The following SUMO3 variants were observed in gnomAD, a reference collection of about 807,000 sequenced individuals.
SUMO3 encodes small ubiquitin-related modifier 3.
A neutral mutation model predicts 11.1 loss-of-function variants in SUMO3; 2 were observed. That is an observed-to-expected ratio of 0.18 (90% CI 0.07 to 0.57). The LOEUF is 0.57. SUMO3 is among the 20% of genes least tolerant of loss of function. The pLI is 0.92. For synonymous variants in SUMO3, 56 were observed against 53.5 expected (o/e 1.05, Z -0.20); for missense variants, 70 against 132.8 (o/e 0.53, Z 2.32).
In SUMO3 at chr21:44,813,871, C is replaced by G. The variant is rs766770441; in HGVS notation, c.150+105G>C. ...TCCACGAAGAGGGCACCTCGGGCAG[C>G]TGCATCTGGGTCCAGCCCCGAGACG... is the stretch of plus-strand genomic sequence containing the variant. On this transcript the variant is annotated intron_variant, in intron 2 of 3. Transcript: ENST00000332859. The G allele has an allele frequency of 2.5e-6, 4 of 1,588,138 alleles. No homozygotes were observed. In the South Asian group the frequency reaches 3.3e-5, roughly 13 times the overall value.
Position 44,806,839 on chromosome 21 carries a change from A to G in SUMO3, c.*112T>C. 6.6e-7 allele frequency: 1 copy of G among 1,505,476 alleles called. No homozygotes were observed. The highest frequency in any genetic ancestry group is 1.3e-5 in the South Asian group (1 of 77,670). The allele number at this position is 1,505,476 out of a possible 1,614,324, so 93.3% of individuals were successfully genotyped here. On this transcript the variant is annotated 3_prime_UTR_variant, in exon 4 of 4. Transcript: ENST00000332859. ...GAAGTACATCAAAGAGAGGAAAATC[A>G]TCGTGGTGAATGTCCTCGAGTTTCC...
chr21:44,813,906 T>C (rs748729056), intron 2 of SUMO3, 70 bp downstream of exon 2: 22 of 1,599,882 alleles, frequency 1.4e-5, no homozygotes, highest in Non-Finnish European at 1.9e-5. Context: ...GCTCGTGCTC[T>C]GGGGATGCCT....
intron 2 of SUMO3, among the ~76,000 whole-genome samples, chr21:44,812,824 C>T (rs1221606115): frequency 6.6e-6 from 1 of 152,206 alleles, no homozygotes; most frequent in Non-Finnish European, 1.5e-5. Flanking sequence ...AACATGGGCA[C>T]CCGGGAAGTC....
At chr21:44,812,818 T>C (rs755714051) in intron 2 of SUMO3, among the ~76,000 whole-genome samples, 6 of 152,138 alleles carry the variant, frequency 3.9e-5, no homozygotes, top group Non-Finnish European at 7.3e-5. Flanking sequence ...GAGGAGAACA[T>C]GGGCACCCGG....
chr21:44,811,075 A>C lies in SUMO3; in HGVS notation c.151-1957T>G, dbSNP rs2083209433. 1.7e-5 allele frequency among the ~76,000 whole-genome samples: 2 copies of C among 116,354 alleles called. No individual in the cohort carries two copies. The highest frequency in any genetic ancestry group is 3.4e-5 in the African/African-American group (1 of 29,194). The allele number at this position is 116,354 out of a possible 152,430, so 76.3% of individuals were successfully genotyped here. On this transcript the variant is annotated intron_variant, in intron 2 of 3. Coordinates refer to ENST00000332859, the MANE Select transcript of SUMO3 (RefSeq NM_006936.3). This position sits in a 1 kb window ranked among gnomAD's most constrained non-coding sequence, Gnocchi z 5.0. The stretch of plus-strand genomic sequence containing the variant: ...ACACACCCACACATACACACACACG[A>C]ATGCACACATGCACACACCCACATA...
intron 2 of SUMO3, among the ~76,000 whole-genome samples, chr21:44,813,000 G>A (rs114697535): frequency 6.6e-6 from 1 of 152,360 alleles, no homozygotes; most frequent in African/African-American, 2.4e-5. Context: ...TTTCGCAGGT[G>A]AAAATAAGAT....
chr21:44,808,904 AAAATAAATAATCTAAT>A lies in SUMO3; in HGVS notation c.222+127_222+142del. Reference sequence around the variant, plus strand: ...TTGAAAATTTAAATTTAAAATGTGAAAAATAAATAATCTAATAATCAATATCATTAAGGCATTCTGT... The same window carrying A: ...TTGAAAATTTAAATTTAAAATGTGAAAATCAATATCATTAAGGCATTCTGT... On this transcript the variant is annotated intron_variant, in intron 3 of 3. Coordinates refer to ENST00000332859, the MANE Select transcript of SUMO3 (RefSeq NM_006936.3). 3 of 744,994 alleles carry A rather than the reference AAAATAAATAATCTAAT, an allele frequency of 4.0e-6. No homozygotes were observed. In the East Asian group the frequency reaches 8.2e-5, roughly 20 times the overall value. 46.1% of individuals were successfully genotyped at this position (744,994 alleles called of 1,614,324 possible). A position where few individuals can be genotyped will look rare whatever the true frequency, so the allele number is the denominator to read the frequency against.
At chr21:44,813,944 G>A in intron 2 of SUMO3, 32 bp downstream of exon 2, 2 of 1,605,864 alleles carry the variant, frequency 1.2e-6, no homozygotes, top group Non-Finnish European at 1.7e-6. Context: ...TGCGCACACG[G>A]GGAGGCTCTG....
At chr21:44,816,715 G>A (rs1031517833) in intron 1 of SUMO3, among the ~76,000 whole-genome samples, 1 of 152,098 alleles carries the variant, frequency 6.6e-6, no homozygotes, top group African/African-American at 2.4e-5. Flanking sequence ...CCTGAATGCA[G>A]GGTGCATACC....
chr21:44,806,961 T>C lies in SUMO3; in HGVS notation c.302A>G (p.His101Arg), dbSNP rs1461661809. 1 of 1,614,090 alleles carries C rather than the reference T, an allele frequency of 6.2e-7. No homozygotes were observed. The highest frequency in any genetic ancestry group is 1.1e-5 in the South Asian group (1 of 91,086). ...GGVPESSLAGHSF is the reference protein window; with the variant it reads ...GGVPESSLAGRSF ...CTGGGGACGGGCCCTCTAGAAACTGTGCCCTGCCAGGCTGCTCTCCGGCAC... is the reference window on the plus strand; with the variant it reads ...CTGGGGACGGGCCCTCTAGAAACTGCGCCCTGCCAGGCTGCTCTCCGGCAC... Residue 101 changes from histidine (H) to arginine (R), a missense_variant, in exon 4 of 4, where the codon CAC becomes CGC. His to Arg is a conservative substitution (Grantham distance 29). Transcript: ENST00000332859.
rs2083202566 is a variant in SUMO3 at position 44,810,294 on chromosome 21, G to A, written c.151-1176C>T. Among the ~76,000 whole-genome samples the A allele has an allele frequency of 6.6e-6, 1 of 152,202 alleles. No individual in the cohort carries two copies. The highest frequency in any genetic ancestry group is 1.5e-5 in the Non-Finnish European group (1 of 68,038). Reference sequence around the variant, plus strand: ...GGGATGGGCAGATATGTCAATGCTGGGCTGAGCCAGAGGCTACTGAGGCGT... The same window carrying A: ...GGGATGGGCAGATATGTCAATGCTGAGCTGAGCCAGAGGCTACTGAGGCGT... On this transcript the variant is annotated intron_variant, in intron 2 of 3. Transcript: ENST00000332859. This position sits in a 1 kb window ranked among gnomAD's most constrained non-coding sequence, Gnocchi z 4.1.
rs931280804 is a variant in SUMO3, at chr21:44,813,475, G to A, written c.150+501C>T. The A allele has an allele frequency of 1.2e-5, 3 of 241,338 alleles. No homozygotes were observed. In the South Asian group the frequency reaches 2.4e-4, roughly 19 times the overall value. The allele number at this position is 241,338 out of a possible 1,614,324, so 14.9% of individuals were successfully genotyped here. On this transcript the variant is annotated intron_variant, in intron 2 of 3. Transcript: ENST00000332859. ...GGCAGCTCATTATCCTGAAACTGGG[G>A]AAGAAGGGGAAAGAATCACGCGCTT... is the stretch of plus-strand genomic sequence containing the variant.
chr21:44,806,066 C>T lies in SUMO3; in HGVS notation c.*885G>A, dbSNP rs1432447336. ...CACGACAACATAACTGCAAATTCAGCAATACTTAGTCTTACTTTTTTATGT... is the reference window on the plus strand; with the variant it reads ...CACGACAACATAACTGCAAATTCAGTAATACTTAGTCTTACTTTTTTATGT... On this transcript the variant is annotated 3_prime_UTR_variant, in exon 4 of 4. Coordinates refer to ENST00000332859, the MANE Select transcript of SUMO3 (RefSeq NM_006936.3). The T allele has an allele frequency of 1.3e-5, 2 of 152,146 alleles. No homozygotes were observed. Among genetic ancestry groups the T allele is most frequent in the Admixed American group, 1.3e-4 (2 of 15,268 alleles). 9.4% of individuals were successfully genotyped at this position (152,146 alleles called of 1,614,324 possible).
chr21:44,814,384 G>A (rs1286730912), intron 1 of SUMO3, among the ~76,000 whole-genome samples: 1 of 152,172 alleles, frequency 6.6e-6, no homozygotes, highest in African/African-American at 2.4e-5. Flanking sequence ...GGAAAAATAA[G>A]AGAAAATCCA....
At position 44,806,644 on chromosome 21, in the gene SUMO3, A is replaced by C; in HGVS notation, c.*307T>G. ...CAGACTAAAAGCGAACATTCAGGCT[A>C]TAATTTTGGGGTTAAAAAAATGTTG... On this transcript the variant is annotated 3_prime_UTR_variant, in exon 4 of 4. Coordinates refer to ENST00000332859, the MANE Select transcript of SUMO3 (RefSeq NM_006936.3). The C allele has an allele frequency of 2.1e-6, 1 of 469,826 alleles. No homozygotes were observed. Among genetic ancestry groups the C allele is most frequent in the Non-Finnish European group, 3.5e-6 (1 of 287,406 alleles). 29.1% of individuals were successfully genotyped at this position (469,826 alleles called of 1,614,324 possible). A position where few individuals can be genotyped will look rare whatever the true frequency, so the allele number is the denominator to read the frequency against.
At chr21:44,815,818 G>C (rs866823188) in intron 1 of SUMO3, among the ~76,000 whole-genome samples, 2 of 122,534 alleles carry the variant, frequency 1.6e-5, no homozygotes, top group Non-Finnish European at 1.7e-5. Context: ...ATCTGTCCCA[G>C]ACCCCTGGTG....
chr21:44,806,925 G>C lies in SUMO3; in HGVS notation c.*26C>G. 2 of 1,613,922 alleles carry C rather than the reference G, an allele frequency of 1.2e-6. No homozygotes were observed. Among genetic ancestry groups the C allele is most frequent in the Non-Finnish European group, 1.7e-6 (2 of 1,179,948 alleles). ...ACCATTCAACAGCAATGCGAGGATG[G>C]ACGGCCCGGGCTGGGGACGGGCCCT... On this transcript the variant is annotated 3_prime_UTR_variant, in exon 4 of 4. Coordinates refer to ENST00000332859, the MANE Select transcript of SUMO3 (RefSeq NM_006936.3).
chr21:44,817,363 G>A (rs537283553), intron 1 of SUMO3, among the ~76,000 whole-genome samples: 1 of 152,024 alleles, frequency 6.6e-6, no homozygotes, highest in South Asian at 2.1e-4. Context: ...GACACGATGC[G>A]GAGAAGTGGG....
intron 1 of SUMO3, among the ~76,000 whole-genome samples, chr21:44,817,131 G>A (rs1173403833): frequency 5.8e-5 from 8 of 138,024 alleles, no homozygotes; most frequent in Admixed American, 4.4e-4. Context: ...ACACCAGGTG[G>A]CATGATGGGG....
Sources: gnomAD v4.1 joint callset for allele counts (sites outside exome capture counted in the v4.1 genomes callset) on GRCh38, gnomAD v4.1.1 for gene constraint, Gnocchi (gnomAD v3.1) non-coding constraint, MANE v1.5 for transcripts, NCBI Gene and HGNC (gene_info 2026-07-23, HGNC 2026-07-21) for gene names.